Variants in SERPINI1 observed in about 807,000 individuals in gnomAD.
The protein encoded by SERPINI1 is neuroserpin.
In SERPINI1, 19 loss-of-function variants were observed where a neutral mutation model predicts 41.1. The observed-to-expected ratio is 0.46, with a 90% CI of 0.32 to 0.68. The LOEUF is 0.68. Ranked by LOEUF, SERPINI1 falls within the 30% of genes least tolerant of loss-of-function variation. The pLI is 0.03. For missense variants in SERPINI1, 460 were observed against 479.2 expected (o/e 0.96, Z 0.37); for synonymous variants, 138 against 156.6 (o/e 0.88, Z 0.89).
At chr3:167,810,089 T>C (rs896390117) in intron 6 of SERPINI1, among the ~76,000 whole-genome samples, 1 of 152,154 alleles carries the variant, frequency 6.6e-6, no homozygotes, top group Non-Finnish European at 1.5e-5. Flanking sequence ...GAATCATTCA[T>C]TCAAAAATTA....
At chr3:167,802,508 CA>C (rs935982049) in intron 5 of SERPINI1, among the ~76,000 whole-genome samples, 4 of 151,326 alleles carry the variant, frequency 2.6e-5, no homozygotes, top group Non-Finnish European at 4.4e-5. Context: ...TTTATGCAGC[CA>C]AAAAACACAT....
intron 1 of SERPINI1, among the ~76,000 whole-genome samples, chr3:167,778,184 C>T (rs1402567669): frequency 1.3e-5 from 2 of 152,078 alleles, no homozygotes; most frequent in African/African-American, 4.8e-5. Flanking sequence ...TCATCAGGCC[C>T]AGCTGTACTC....
chr3:167,760,450 A>G (rs58033480), intron 1 of SERPINI1, among the ~76,000 whole-genome samples: 2,922 of 152,004 alleles, frequency 0.019, 77 homozygotes, highest in African/African-American at 0.063. Flanking sequence ...CAGAGAATAC[A>G]TATAACCTCC....
chr3:167,799,062 C>T (rs1185908078), intron 5 of SERPINI1, among the ~76,000 whole-genome samples: 1 of 152,002 alleles, frequency 6.6e-6, no homozygotes, highest in Non-Finnish European at 1.5e-5. Flanking sequence ...TCTCTTTATA[C>T]TTCAAGTTCT....
At chr3:167,736,133 T>A (rs1015828433) in intron 1 of SERPINI1, 1 of 152,206 alleles carries the variant, frequency 6.6e-6, no homozygotes, top group African/African-American at 2.4e-5. Flanking sequence ...GTGGATGTTA[T>A]AGGTGCGTAG....
At chr3:167,789,710 T>C (rs1254357128) in intron 2 of SERPINI1, among the ~76,000 whole-genome samples, 1 of 152,172 alleles carries the variant, frequency 6.6e-6, no homozygotes, top group Admixed American at 6.5e-5. Flanking sequence ...ATTACAAATA[T>C]GATGAGTACT....
chr3:167,770,175 G>T (rs976697975), intron 1 of SERPINI1, among the ~76,000 whole-genome samples: 1 of 151,226 alleles, frequency 6.6e-6, no homozygotes, highest in South Asian at 2.1e-4. Context: ...ATATATGTAT[G>T]TATATATTTA....
intron 6 of SERPINI1, among the ~76,000 whole-genome samples, chr3:167,810,711 C>A (rs535174698): frequency 1.7e-4 from 26 of 152,232 alleles, no homozygotes; most frequent in Admixed American, 5.9e-4. Context: ...AATAAGACAA[C>A]AATGAAGTTT....
At chr3:167,794,903 G>T (rs1345545965) in intron 5 of SERPINI1, 79 bp downstream of exon 5, 1 of 1,114,402 alleles carries the variant, frequency 9.0e-7, no homozygotes, top group South Asian at 1.3e-5. Context: ...AAAACTCTTC[G>T]AACTGCTTTC....
At chr3:167,813,190 C>G (rs2108570350) in intron 6 of SERPINI1, among the ~76,000 whole-genome samples, 1 of 152,322 alleles carries the variant, frequency 6.6e-6, no homozygotes, top group South Asian at 2.1e-4. Flanking sequence ...CTATTTCTCT[C>G]ATTGCCATAA....
chr3:167,794,475 A>G, intron 4 of SERPINI1, 145 bp from the exon 5 acceptor site: 1 of 555,746 alleles, frequency 1.8e-6, no homozygotes, highest in Admixed American at 3.4e-5. Flanking sequence ...TACATGAAAA[A>G]CTTCTTTAGT....
chr3:167,750,625 C>A (rs1553770935), intron 1 of SERPINI1, among the ~76,000 whole-genome samples: 1 of 152,156 alleles, frequency 6.6e-6, no homozygotes, highest in Non-Finnish European at 1.5e-5. Flanking sequence ...GCACTAATAT[C>A]TTTACATCCA....
chr3:167,796,206 C>T (rs1006302489), intron 5 of SERPINI1, among the ~76,000 whole-genome samples: 2 of 151,880 alleles, frequency 1.3e-5, no homozygotes, highest in South Asian at 4.2e-4. Context: ...CTATTTGGAA[C>T]TATGGAGTTT....
intron 6 of SERPINI1, among the ~76,000 whole-genome samples, chr3:167,819,409 G>T (rs1483766655): frequency 6.6e-6 from 1 of 152,088 alleles, no homozygotes; most frequent in African/African-American, 2.4e-5. Flanking sequence ...TACTCTTTTG[G>T]ATTTGAGGGA....
chr3:167,799,283 A>ACTCC (rs1727821761), intron 5 of SERPINI1, among the ~76,000 whole-genome samples: 1 of 152,100 alleles, frequency 6.6e-6, no homozygotes, highest in African/African-American at 2.4e-5. Context: ...GTGAGTGACA[A>ACTCC]CATGCGGTGT....
chr3:167,754,353 A>C (rs1045608008), intron 1 of SERPINI1, among the ~76,000 whole-genome samples: 1 of 152,232 alleles, frequency 6.6e-6, no homozygotes, highest in Non-Finnish European at 1.5e-5. Flanking sequence ...TGTCTCTTAA[A>C]GCCCTCCATT....
intron 1 of SERPINI1, among the ~76,000 whole-genome samples, chr3:167,752,889 C>T (rs1216174483): frequency 6.6e-6 from 1 of 152,164 alleles, no homozygotes. Context: ...TTAAATAACA[C>T]TTGCTTAGAG....
rs570213730 is a variant in SERPINI1 at position 167,737,864 on chromosome 3, G to A, written c.-19+2041G>A. Among the ~76,000 whole-genome samples, 6 of 152,196 alleles carry A rather than the reference G, an allele frequency of 3.9e-5. No homozygotes were observed. In the East Asian group the frequency reaches 1.2e-3, roughly 29 times the overall value. On this transcript the variant is annotated intron_variant, in intron 1 of 8. Coordinates refer to ENST00000446050, the MANE Select transcript of SERPINI1 (RefSeq NM_001122752.2). The stretch of plus-strand genomic sequence containing the variant: ...ATAGAATCTGATTAGGAATGAATGA[G>A]TTTGTGGTATTAAAGTACTGATTTT...
intron 1 of SERPINI1, among the ~76,000 whole-genome samples, chr3:167,750,522 G>A (rs542494268): frequency 6.6e-6 from 1 of 152,182 alleles, no homozygotes. Context: ...TGAAGAGAAA[G>A]TGAAAGGTTT....
Sources: allele counts gnomAD v4.1 joint callset (sites outside exome capture counted in the v4.1 genomes callset), GRCh38; gene constraint gnomAD v4.1.1; transcripts MANE v1.5; gene names NCBI Gene and HGNC (gene_info 2026-07-23, HGNC 2026-07-21).